Variants in SPTBN1 observed in about 807,000 individuals in gnomAD.
SPTBN1 encodes the protein spectrin beta chain, non-erythrocytic 1.
A neutral mutation model predicts 266.4 loss-of-function variants in SPTBN1; 32 were observed. The observed-to-expected ratio is 0.12, with a 90% CI of 0.09 to 0.16. SPTBN1 has a LOEUF of 0.16. Ranked by LOEUF, SPTBN1 falls within the 10% of genes least tolerant of loss-of-function variation. SPTBN1 has a pLI of 1.00. For missense variants in SPTBN1, 2,296 were observed against 3,067.1 expected, an observed-to-expected ratio of 0.75 and a Z score of 5.94; for synonymous variants, 1,336 against 1,162.2, an observed-to-expected ratio of 1.15 and a Z score of -3.04.
chr2:54,670,712 AT>A lies in SPTBN1; in HGVS notation c.*2144del, dbSNP rs1308974546. The stretch of plus-strand genomic sequence containing the variant: ...CTGGAGTCCCATAATAAATACGTAC[AT>A]GTGGAACATCGTGCACATAATTTCA... On this transcript the variant is annotated 3_prime_UTR_variant, in exon 36 of 36. Coordinates refer to ENST00000356805, the MANE Select transcript of SPTBN1 (RefSeq NM_003128.3). The A allele has an allele frequency of 1.0e-5, 4 of 398,520 alleles. No individual in the cohort carries two copies. Among genetic ancestry groups the A allele is most frequent in the African/African-American group, 8.2e-5 (4 of 48,640 alleles). 24.7% of individuals were successfully genotyped at this position (398,520 alleles called of 1,614,324 possible).
At chr2:54,484,228 C>T (rs1363447101) in intron 1 of SPTBN1, among the ~76,000 whole-genome samples, 2 of 152,262 alleles carry the variant, frequency 1.3e-5, no homozygotes, top group East Asian at 3.9e-4. Flanking sequence ...CAAGTGATAA[C>T]TGCACGGTAT....
chr2:54,467,413 A>G (rs2103834222), intron 1 of SPTBN1, among the ~76,000 whole-genome samples: 1 of 152,278 alleles, frequency 6.6e-6, no homozygotes, highest in East Asian at 1.9e-4. Flanking sequence ...CTGTTGTTGG[A>G]GACAAAGTCT....
Position 54,629,790 on chromosome 2 carries a change from G to A in SPTBN1, c.2656G>A (p.Val886Ile). The change falls in exon 14 of 36, where the codon GTC becomes ATC. Residue 886 changes from valine to isoleucine, a missense_variant. Around this residue, in one of 12 missense-constraint regions of SPTBN1, gnomAD observed 434 missense variants for 573.9 expected, o/e 0.76. Coordinates refer to ENST00000356805, the MANE Select transcript of SPTBN1 (RefSeq NM_003128.3). The part of the protein sequence containing the change: ...QIPEKLEDLE[V>I]IQHRFESLEP... ...CCCAGAGAAGCTGGAGGATCTGGAG[G>A]TCATCCAGCACAGGTGAGCGGGGCG... is the stretch of plus-strand genomic sequence containing the variant. 1 of 1,610,006 alleles carries A rather than the reference G, an allele frequency of 6.2e-7. No individual in the cohort carries two copies. Among genetic ancestry groups the A allele is most frequent in the South Asian group, 1.1e-5 (1 of 90,958 alleles).
At chr2:54,522,729 AAAG>A (rs1670558253) in intron 1 of SPTBN1, among the ~76,000 whole-genome samples, 1 of 150,840 alleles carries the variant, frequency 6.6e-6, no homozygotes, top group South Asian at 2.1e-4. Context: ...AGAAAGAAAG[AAAG>A]AAATCTGTGG....
At chr2:54,553,962 C>T (rs932433118) in intron 2 of SPTBN1, among the ~76,000 whole-genome samples, 7 of 152,162 alleles carry the variant, frequency 4.6e-5, no homozygotes, top group Admixed American at 3.3e-4. Flanking sequence ...TCTTAGTGTA[C>T]AGGTCCACCA....
chr2:54,593,350 G>C (rs374791788), intron 2 of SPTBN1, among the ~76,000 whole-genome samples: 218 of 152,210 alleles, frequency 1.4e-3, no homozygotes, highest in South Asian at 3.9e-3. Context: ...TCCCACCCCT[G>C]TCATGTCACA....
At chr2:54,587,781 A>G (rs1675388885) in intron 2 of SPTBN1, among the ~76,000 whole-genome samples, 2 of 152,012 alleles carry the variant, frequency 1.3e-5, no homozygotes, top group African/African-American at 4.8e-5. Flanking sequence ...CCTCCTGCCA[A>G]ATGGGGTGGC....
chr2:54,643,293 A>G (rs1452492788), intron 19 of SPTBN1, among the ~76,000 whole-genome samples, 164 bp downstream of exon 19: 1 of 152,196 alleles, frequency 6.6e-6, no homozygotes, highest in Non-Finnish European at 1.5e-5. Context: ...TCCTGACTTC[A>G]ACCCATCAAA....
chr2:54,638,791 G>A (rs1679332716), intron 18 of SPTBN1, among the ~76,000 whole-genome samples: 1 of 140,780 alleles, frequency 7.1e-6, no homozygotes, highest in South Asian at 2.2e-4. Flanking sequence ...TAAGAGTATG[G>A]GGGTAGAATC....
chr2:54,654,122 G>A (rs1680492716), intron 27 of SPTBN1, among the ~76,000 whole-genome samples: 1 of 152,172 alleles, frequency 6.6e-6, no homozygotes, highest in Non-Finnish European at 1.5e-5. Context: ...CAGTCACTCA[G>A]GCCCTCTTGC....
At chr2:54,603,655 T>A (rs1337495018) in intron 3 of SPTBN1, among the ~76,000 whole-genome samples, 2 of 152,168 alleles carry the variant, frequency 1.3e-5, no homozygotes, top group Non-Finnish European at 2.9e-5. Context: ...TAACTAATAC[T>A]CCTCTGAAAG....
At chr2:54,539,895 A>T (rs1200031751) in intron 2 of SPTBN1, among the ~76,000 whole-genome samples, 1 of 152,090 alleles carries the variant, frequency 6.6e-6, no homozygotes, top group Non-Finnish European at 1.5e-5. Flanking sequence ...CTCCCACTCA[A>T]ACTCATATGG....
At chr2:54,578,923 ATCTT>A (rs1409245424) in intron 2 of SPTBN1, among the ~76,000 whole-genome samples, 2 of 152,200 alleles carry the variant, frequency 1.3e-5, no homozygotes, top group African/African-American at 4.8e-5. Context: ...AAATCTGAGT[ATCTT>A]TCTTAGGAAT....
intron 2 of SPTBN1, among the ~76,000 whole-genome samples, chr2:54,589,311 G>GT (rs1441236529): frequency 2.0e-5 from 3 of 152,130 alleles, no homozygotes; most frequent in Admixed American, 6.5e-5. Flanking sequence ...CAGGACCCTG[G>GT]TGACAGAGCC....
chr2:54,669,708 G>A lies in SPTBN1; in HGVS notation c.*1139G>A, dbSNP rs907285184. ...GACTAGTTGTTGTTCTTCCTCTGCT[G>A]CGTGTGCATGCCCAGTAGGGAAACT... On this transcript the variant is annotated 3_prime_UTR_variant, in exon 36 of 36. Transcript: ENST00000356805. The A allele has an allele frequency of 6.6e-6, 1 of 152,606 alleles. No individual in the cohort carries two copies. The highest frequency in any genetic ancestry group is 2.4e-5 in the African/African-American group (1 of 41,440). The allele number at this position is 152,606 out of a possible 1,614,324, so 9.5% of individuals were successfully genotyped here.
At chr2:54,493,956 A>G (rs1346960583) in intron 1 of SPTBN1, among the ~76,000 whole-genome samples, 1 of 152,218 alleles carries the variant, frequency 6.6e-6, no homozygotes, top group African/African-American at 2.4e-5. Context: ...TACTTGGAAC[A>G]CATGCAAAGA....
At chr2:54,577,054 G>GT (rs1484703998) in intron 2 of SPTBN1, among the ~76,000 whole-genome samples, 2 of 151,950 alleles carry the variant, frequency 1.3e-5, no homozygotes, top group Non-Finnish European at 2.9e-5. Context: ...CATCATGCAA[G>GT]TTTTTTTTCC....
At chr2:54,638,493 C>G (rs572578480) in intron 18 of SPTBN1, among the ~76,000 whole-genome samples, 1 of 152,360 alleles carries the variant, frequency 6.6e-6, no homozygotes, top group Admixed American at 6.5e-5. Flanking sequence ...ATTCCAAGCA[C>G]CAAGTTTTAA....
intron 18 of SPTBN1, 93 bp from the exon 19 acceptor site, chr2:54,642,890 A>G (rs528795000): frequency 6.9e-7 from 1 of 1,458,072 alleles, no homozygotes; most frequent in African/African-American, 1.4e-5. Context: ...CGTGTGTAGT[A>G]TGCATAATAT....
Sources: allele counts gnomAD v4.1 joint callset (sites outside exome capture counted in the v4.1 genomes callset), GRCh38; gene constraint gnomAD v4.1.1; regional missense constraint gnomAD v4.1.1; transcripts MANE v1.5; gene names NCBI Gene and HGNC (gene_info 2026-07-23, HGNC 2026-07-21).